Variants in CHST9 observed in about 807,000 individuals in gnomAD.
CHST9 encodes the protein GalNAc-4-sulfotransferase 2.
Under a neutral mutation model 44.4 loss-of-function variants are expected in CHST9, and 41 were observed. The observed-to-expected ratio is 0.92, with a 90% confidence interval of 0.72 to 1.20. The LOEUF (loss-of-function observed/expected upper bound fraction) is 1.20. CHST9 is among the 50% of genes most tolerant of loss of function. CHST9 has a pLI of 0.00. For synonymous variants in CHST9, 171 were observed against 178.4 expected (o/e 0.96, Z 0.33); for missense variants, 504 against 516.5 (o/e 0.98, Z 0.23).
chr18:27,102,265 T>G (rs1304251641), intron 2 of CHST9, among the ~76,000 whole-genome samples: 5 of 152,228 alleles, frequency 3.3e-5, no homozygotes, highest in Non-Finnish European at 7.3e-5. Context: ...GATATCCTTG[T>G]TTAGGGTAAA....
At chr18:27,150,925 G>A (rs983500812) in intron 1 of CHST9, among the ~76,000 whole-genome samples, 1 of 152,106 alleles carries the variant, frequency 6.6e-6, no homozygotes, top group Admixed American at 6.6e-5. Context: ...GATAGGCTTG[G>A]TAGGCACATA....
At chr18:27,105,757 A>G (rs1231142740) in intron 2 of CHST9, among the ~76,000 whole-genome samples, 2 of 152,168 alleles carry the variant, frequency 1.3e-5, no homozygotes, top group Non-Finnish European at 2.9e-5. Flanking sequence ...GAAAACTTTT[A>G]AAAGTTTATT....
At chr18:27,084,983 T>C (rs1019712508) in intron 2 of CHST9, among the ~76,000 whole-genome samples, 14 of 152,056 alleles carry the variant, frequency 9.2e-5, no homozygotes, top group Non-Finnish European at 1.3e-4. Flanking sequence ...TTAATTTCTA[T>C]TTTTATTGCA....
At chr18:27,022,384 C>T (rs371155626) in intron 4 of CHST9, among the ~76,000 whole-genome samples, 2 of 152,212 alleles carry the variant, frequency 1.3e-5, no homozygotes, top group South Asian at 2.1e-4. Flanking sequence ...ATTGTGTGTT[C>T]CTAAAAGTTC....
At chr18:26,932,601 C>A (rs984111915) in intron 5 of CHST9, among the ~76,000 whole-genome samples, 5 of 152,102 alleles carry the variant, frequency 3.3e-5, no homozygotes, top group African/African-American at 1.2e-4. Flanking sequence ...CTCCCAGGGA[C>A]CAAGGAACCT....
In CHST9 at chr18:26,910,312, C is replaced by T. The variant is rs1167530106; in HGVS notation, c.*5947G>A. 4 of 63,450 alleles carry T rather than the reference C, an allele frequency of 6.3e-5. No homozygotes were observed. Among genetic ancestry groups the T allele is most frequent in the South Asian group, 6.1e-4 (1 of 1,646 alleles). The allele number at this position is 63,450 out of a possible 1,614,324, so 3.9% of individuals were successfully genotyped here. A position where few individuals can be genotyped will look rare whatever the true frequency, so the allele number is the denominator to read the frequency against. On this transcript the variant is annotated 3_prime_UTR_variant, in exon 6 of 6. Coordinates refer to ENST00000618847, the MANE Select transcript of CHST9 (RefSeq NM_031422.6). ...CACTGTGAGCAAGGATATGGAAACC[C>T]GGAATGGGATAACCTCACTACCTGC...
At chr18:26,940,222 A>AG (rs1017902909) in intron 5 of CHST9, among the ~76,000 whole-genome samples, 17 of 147,080 alleles carry the variant, frequency 1.2e-4, no homozygotes, top group African/African-American at 4.2e-4. Context: ...CATGAGACTC[A>AG]GAAAAAAAAA....
Position 27,169,888 on chromosome 18 carries a change from T to A in CHST9, c.-97+15248A>T, listed in dbSNP as rs763745483. Among the ~76,000 whole-genome samples the A allele has an allele frequency of 1.2e-3, 187 of 152,282 alleles. 1 individual carries two copies. The highest frequency in any genetic ancestry group is 6.8e-3 in the Middle Eastern group (2 of 294). ...TCCCAAAGTGCTGGGATTACAGGCGTGAGCCACTGCGCCTGGCCAGAAAAT... is the reference window on the plus strand; with the variant it reads ...TCCCAAAGTGCTGGGATTACAGGCGAGAGCCACTGCGCCTGGCCAGAAAAT... On this transcript the variant is annotated intron_variant, in intron 1 of 5. Coordinates refer to ENST00000618847, the MANE Select transcript of CHST9 (RefSeq NM_031422.6).
chr18:27,103,637 T>G (rs2058194434), intron 2 of CHST9, among the ~76,000 whole-genome samples: 1 of 152,226 alleles, frequency 6.6e-6, no homozygotes, highest in Non-Finnish European at 1.5e-5. Context: ...CTGATATCAT[T>G]TACAATCAAT....
At chr18:26,988,855 G>A (rs1344614259) in intron 4 of CHST9, among the ~76,000 whole-genome samples, 2 of 151,900 alleles carry the variant, frequency 1.3e-5, no homozygotes, top group East Asian at 1.9e-4. Context: ...TGGCCATAAT[G>A]GAATTAAATT....
rs76186158 is a variant in CHST9 at position 27,054,075 on chromosome 18, G to A, written c.122-5572C>T. 2.0e-5 allele frequency among the ~76,000 whole-genome samples: 3 copies of A among 152,128 alleles called. No homozygotes were observed. The South Asian group carries it at 6.2e-4, about 32-fold the overall frequency. On this transcript the variant is annotated intron_variant, in intron 2 of 5. Coordinates refer to ENST00000618847, the MANE Select transcript of CHST9 (RefSeq NM_031422.6). ...CAGGACAAGTCGAGAGTCCCATATC[G>A]TTCTCTCTCCTGATGTCTAGCACCG...
chr18:26,966,598 C>T (rs2056468313), intron 4 of CHST9, among the ~76,000 whole-genome samples: 1 of 152,148 alleles, frequency 6.6e-6, no homozygotes, highest in African/African-American at 2.4e-5. Context: ...TTCATGTGTG[C>T]ACTTGTATGT....
intron 4 of CHST9, among the ~76,000 whole-genome samples, chr18:27,001,002 G>A (rs2056945988): frequency 6.6e-6 from 1 of 152,172 alleles, no homozygotes; most frequent in Non-Finnish European, 1.5e-5. Context: ...TGGGATATGA[G>A]CAACCCACAT....
chr18:26,911,142 C>T lies in CHST9; in HGVS notation c.*5117G>A, dbSNP rs1056022545. ...TCTGGTCCTATAGATGCCTGAAGGT[C>T]ACAGGCAGAAATATACGAATTCTAC... On this transcript the variant is annotated 3_prime_UTR_variant, in exon 6 of 6. Coordinates refer to ENST00000618847, the MANE Select transcript of CHST9 (RefSeq NM_031422.6). 2.0e-5 allele frequency: 3 copies of T among 152,132 alleles called. No individual in the cohort carries two copies. The highest frequency in any genetic ancestry group is 7.2e-5 in the African/African-American group (3 of 41,434). 9.4% of individuals were successfully genotyped at this position (152,132 alleles called of 1,614,324 possible). A position where few individuals can be genotyped will look rare whatever the true frequency, so the allele number is the denominator to read the frequency against.
chr18:27,117,717 C>A (rs574211867), intron 2 of CHST9, among the ~76,000 whole-genome samples: 1 of 152,270 alleles, frequency 6.6e-6, no homozygotes, highest in Admixed American at 6.5e-5. Context: ...CTTTTCATGG[C>A]ATGACACCTC....
At chr18:27,158,549 G>A (rs370923517) in intron 1 of CHST9, among the ~76,000 whole-genome samples, 2 of 151,736 alleles carry the variant, frequency 1.3e-5, no homozygotes, top group East Asian at 3.9e-4. Flanking sequence ...ATTGTGAATA[G>A]TGCCACAATA....
intron 2 of CHST9, among the ~76,000 whole-genome samples, chr18:27,075,786 T>C: frequency 6.6e-6 from 1 of 152,162 alleles, no homozygotes; most frequent in East Asian, 1.9e-4. Context: ...CTAAAATTGA[T>C]TACACAACAC....
chr18:27,183,896 C>T (rs2143991757), intron 1 of CHST9, among the ~76,000 whole-genome samples: 1 of 152,124 alleles, frequency 6.6e-6, no homozygotes, highest in South Asian at 2.1e-4. Context: ...TAACAGGTGC[C>T]AGCCAACTGA....
rs1047058891 is a variant in CHST9, at chr18:26,910,314, G to C, written c.*5945C>G. 4.1e-5 allele frequency: 2 copies of C among 49,368 alleles called. No individual in the cohort carries two copies. The highest frequency in any genetic ancestry group is 2.0e-4 in the African/African-American group (2 of 10,076). 3.1% of individuals were successfully genotyped at this position (49,368 alleles called of 1,614,324 possible). ...CTGTGAGCAAGGATATGGAAACCCG[G>C]AATGGGATAACCTCACTACCTGCAC... On this transcript the variant is annotated 3_prime_UTR_variant, in exon 6 of 6. Coordinates refer to ENST00000618847, the MANE Select transcript of CHST9 (RefSeq NM_031422.6).
Sources: allele counts gnomAD v4.1 joint callset (sites outside exome capture counted in the v4.1 genomes callset), GRCh38; gene constraint gnomAD v4.1.1; transcripts MANE v1.5; gene names NCBI Gene and HGNC (gene_info 2026-07-23, HGNC 2026-07-21).